Variants in GALNT13 observed in about 807,000 individuals in gnomAD.
GALNT13 encodes the protein polypeptide N-acetylgalactosaminyltransferase 13.
GALNT13 carries 28 observed loss-of-function variants against 64.2 expected under a neutral mutation model. The ratio of observed to expected loss-of-function variants is 0.44; its 90% CI spans 0.32 to 0.60. GALNT13 has a LOEUF of 0.60. Among genes scored for constraint, GALNT13 ranks in the 20% least tolerant of loss-of-function variants. GALNT13 has a pLI of 0.05. For missense variants in GALNT13, 577 were observed against 669.8 expected (o/e 0.86, Z 1.53); for synonymous variants, 214 against 224.6 (o/e 0.95, Z 0.42).
the GALNT13 span, among the ~76,000 whole-genome samples, chr2:153,243,360 T>G: frequency 6.6e-6 from 1 of 152,230 alleles, no homozygotes; most frequent in Non-Finnish European, 1.5e-5. Flanking sequence ...ATTCTAGATA[T>G]GGCCTGGGGA....
chr2:154,172,651 A>AGTGT (rs70983709), intron 4 of GALNT13, among the ~76,000 whole-genome samples: 2 of 150,566 alleles, frequency 1.3e-5, no homozygotes, highest in African/African-American at 2.4e-5. Flanking sequence ...AATATTCTAG[A>AGTGT]GTGTGTGTGT....
At chr2:153,879,400 T>G (rs1686623985) in intron 1 of GALNT13, among the ~76,000 whole-genome samples, 1 of 151,810 alleles carries the variant, frequency 6.6e-6, no homozygotes, top group African/African-American at 2.4e-5. Flanking sequence ...GTGTGTGTTC[T>G]GAGACAGAGT....
chr2:153,786,217 A>G, the GALNT13 span, among the ~76,000 whole-genome samples: 7 of 152,112 alleles, frequency 4.6e-5, no homozygotes, highest in Non-Finnish European at 1.0e-4. Flanking sequence ...GAGTCAACCA[A>G]CAACCCTTCT....
At chr2:153,657,624 C>T in the GALNT13 span, among the ~76,000 whole-genome samples, 1 of 152,078 alleles carries the variant, frequency 6.6e-6, no homozygotes, top group East Asian at 1.9e-4. Flanking sequence ...TACCAAGCCA[C>T]ATTATCTCTA....
At chr2:153,756,975 T>A in the GALNT13 span, among the ~76,000 whole-genome samples, 1 of 152,166 alleles carries the variant, frequency 6.6e-6, no homozygotes, top group Non-Finnish European at 1.5e-5. Context: ...TTAGACAGTA[T>A]TTTTTAAAGA....
upstream of GALNT13, among the ~76,000 whole-genome samples, chr2:153,870,796 G>A (rs1256188841): frequency 6.6e-6 from 1 of 150,632 alleles, no homozygotes; most frequent in Non-Finnish European, 1.5e-5. Context: ...ATATTTTTAT[G>A]TAGTCGTTAT....
At chr2:153,292,898 C>G in the GALNT13 span, among the ~76,000 whole-genome samples, 2 of 152,130 alleles carry the variant, frequency 1.3e-5, no homozygotes, top group African/African-American at 4.8e-5. Flanking sequence ...TGTGTAATCA[C>G]TAGCACATTT....
chr2:153,525,576 C>A, the GALNT13 span, among the ~76,000 whole-genome samples: 1 of 152,136 alleles, frequency 6.6e-6, no homozygotes, highest in African/African-American at 2.4e-5. Flanking sequence ...GAAGTGTGAA[C>A]CCCGTTGTGA....
chr2:153,629,037 C>G, the GALNT13 span, among the ~76,000 whole-genome samples: 1 of 152,034 alleles, frequency 6.6e-6, no homozygotes, highest in African/African-American at 2.4e-5. Flanking sequence ...TGTTATTGGT[C>G]TATTCAGAGA....
chr2:154,039,665 C>CA (rs1337606305), intron 3 of GALNT13, among the ~76,000 whole-genome samples: 2 of 139,058 alleles, frequency 1.4e-5, no homozygotes, highest in African/African-American at 4.9e-5. Flanking sequence ...TGCAGAATTA[C>CA]AACTAGATGG....
At chr2:154,122,437 T>C (rs1468952872) in intron 3 of GALNT13, among the ~76,000 whole-genome samples, 1 of 152,014 alleles carries the variant, frequency 6.6e-6, no homozygotes, top group African/African-American at 2.4e-5. Flanking sequence ...AATGCTGGCA[T>C]CATAAAATAT....
At chr2:153,129,916 G>A in the GALNT13 span, among the ~76,000 whole-genome samples, 1 of 152,172 alleles carries the variant, frequency 6.6e-6, no homozygotes, top group Non-Finnish European at 1.5e-5. Context: ...AAGTCTTTAT[G>A]ACGTTTAAAA....
At chr2:153,257,449 G>T in the GALNT13 span, among the ~76,000 whole-genome samples, 1 of 152,026 alleles carries the variant, frequency 6.6e-6, no homozygotes, top group Non-Finnish European at 1.5e-5. Context: ...GACCTGAGCT[G>T]TTCCTATTCA....
intron 4 of GALNT13, among the ~76,000 whole-genome samples, chr2:154,203,070 G>C (rs929656228): frequency 1.3e-5 from 2 of 151,940 alleles, no homozygotes; most frequent in African/African-American, 4.8e-5. Context: ...TGTGTTTTCG[G>C]GGGCTATAAC....
chr2:153,555,801 T>G, the GALNT13 span, among the ~76,000 whole-genome samples: 7 of 152,362 alleles, frequency 4.6e-5, no homozygotes, highest in Admixed American at 2.6e-4. Flanking sequence ...TTTTAAAATT[T>G]GTAACTTAGC....
chr2:153,166,621 ATGTGTGTGTGTGTG>A, the GALNT13 span, among the ~76,000 whole-genome samples: 168 of 122,748 alleles, frequency 1.4e-3, no homozygotes, highest in South Asian at 0.016. Context: ...TGCCTACTGC[ATGTGTGTGTGTGTG>A]TGTGTGTGTG....
chr2:153,837,089 T>C, the GALNT13 span, among the ~76,000 whole-genome samples: 1,251 of 149,192 alleles, frequency 8.4e-3, 21 homozygotes, highest in African/African-American at 0.029. Flanking sequence ...CCACACTGAC[T>C]TCCACAATGG....
chr2:154,112,948 C>T (rs1703070078), intron 3 of GALNT13, among the ~76,000 whole-genome samples: 1 of 152,120 alleles, frequency 6.6e-6, no homozygotes, highest in African/African-American at 2.4e-5. Context: ...GCCTTCAGGA[C>T]CTGTTCAAGC....
At chr2:153,704,256 TG>T in the GALNT13 span, among the ~76,000 whole-genome samples, 3 of 152,136 alleles carry the variant, frequency 2.0e-5, no homozygotes, top group Non-Finnish European at 4.4e-5. Flanking sequence ...ATTACAAAAA[TG>T]TATGATTAAA....
Sources: allele counts gnomAD v4.1 joint callset (sites outside exome capture counted in the v4.1 genomes callset), GRCh38; gene constraint gnomAD v4.1.1; transcripts MANE v1.5; gene names NCBI Gene and HGNC (gene_info 2026-07-23, HGNC 2026-07-21).